ST3GAL3: variants seen among roughly 807,000 people sequenced by gnomAD.
ST3GAL3 encodes the protein ST3 beta-galactoside alpha-2,3-sialyltransferase 3, also known as CMP-N-acetylneuraminate-beta-1,4-galactoside alpha-2,3-sialyltransferase.
A neutral mutation model predicts 50.1 loss-of-function variants in ST3GAL3; 21 were observed. That is an observed-to-expected ratio of 0.42 (90% CI 0.30 to 0.60). ST3GAL3 has a LOEUF of 0.60. Ranked by LOEUF, ST3GAL3 falls within the 20% of genes least tolerant of loss-of-function variation. The probability of loss-of-function intolerance (pLI) is 0.19; values close to 1 mark genes in which losing one functional copy is unlikely to be tolerated. For missense variants in ST3GAL3, 353 were observed against 489.4 expected (o/e 0.72, Z 2.63); for synonymous variants, 183 against 190.0 (o/e 0.96, Z 0.30).
intron 9 of ST3GAL3, chr1:43,912,241 C>T (rs1246848796): frequency 6.6e-6 from 1 of 152,058 alleles, no homozygotes; most frequent in Non-Finnish European, 1.5e-5. Flanking sequence ...TGACTTTGTG[C>T]CAAACATATT....
At chr1:43,843,921 T>C (rs2065824700) in intron 5 of ST3GAL3, among the ~76,000 whole-genome samples, 2 of 152,248 alleles carry the variant, frequency 1.3e-5, no homozygotes, top group African/African-American at 4.8e-5. Flanking sequence ...CTTCAGATGC[T>C]AATCACAAGT....
At chr1:43,832,600 G>A (rs1573870644) in intron 4 of ST3GAL3, among the ~76,000 whole-genome samples, 1 of 152,114 alleles carries the variant, frequency 6.6e-6, no homozygotes, top group African/African-American at 2.4e-5. Context: ...GCAGACCTTG[G>A]AGTAACAGGT....
intron 2 of ST3GAL3, among the ~76,000 whole-genome samples, chr1:43,786,108 G>A (rs2057304341): frequency 6.6e-6 from 1 of 151,990 alleles, no homozygotes; most frequent in Middle Eastern, 3.2e-3. Context: ...GGTTGCATGA[G>A]TCTCCTCCTT....
At chr1:43,798,043 G>C (rs34330931) in intron 3 of ST3GAL3, among the ~76,000 whole-genome samples, 55,687 of 151,976 alleles carry the variant, frequency 0.37, 10,945 homozygotes, top group East Asian at 0.59. Flanking sequence ...ATATATAGGA[G>C]CTGTATGCTG....
rs889219188 is a variant in ST3GAL3 at position 43,830,114 on chromosome 1, C to A, written c.210-8105C>A. The stretch of plus-strand genomic sequence containing the variant: ...CCTCAGCTCAAGCAATCCTCCCAAC[C>A]TCAGCCTCCCCGGCCCAAGCAATCC... On this transcript the variant is annotated intron_variant, in intron 4 of 11. Coordinates refer to ENST00000347631, the MANE Select transcript of ST3GAL3 (RefSeq NM_006279.5). 2.0e-5 allele frequency among the ~76,000 whole-genome samples: 3 copies of A among 149,588 alleles called. No individual in the cohort carries two copies. In the Admixed American group the frequency reaches 2.0e-4, roughly 10 times the overall value.
At chr1:43,879,238 A>G in intron 5 of ST3GAL3, 1 of 455,528 alleles carries the variant, frequency 2.2e-6, no homozygotes. Context: ...GAAGGCCAGT[A>G]TGCTGTAACA....
intron 2 of ST3GAL3, among the ~76,000 whole-genome samples, chr1:43,778,919 TTACAGGCGTGAGC>T (rs781268492): frequency 1.6e-4 from 24 of 151,838 alleles, no homozygotes; most frequent in Non-Finnish European, 2.4e-4. Context: ...AGCGCTGGGA[TTACAGGCGTGAGC>T]CACTGCGCCC....
intron 2 of ST3GAL3, chr1:43,771,909 G>T (rs1368621693): frequency 2.5e-6 from 1 of 398,392 alleles, no homozygotes; most frequent in African/African-American, 2.1e-5. Context: ...AAAGGTGTGT[G>T]CCCCTGGATG....
intron 11 of ST3GAL3, among the ~76,000 whole-genome samples, chr1:43,928,384 A>G (rs1054070473): frequency 1.3e-5 from 2 of 149,556 alleles, no homozygotes; most frequent in Non-Finnish European, 3.0e-5. Context: ...GTGGATCACA[A>G]GGTCAGGAGA....
chr1:43,930,303 C>G lies in ST3GAL3; in HGVS notation c.*82C>G. 1.4e-6 allele frequency: 2 copies of G among 1,382,232 alleles called. No individual in the cohort carries two copies. Among genetic ancestry groups the G allele is most frequent in the African/African-American group, 1.4e-5 (1 of 70,574 alleles). The allele number at this position is 1,382,232 out of a possible 1,614,324, so 85.6% of individuals were successfully genotyped here. On this transcript the variant is annotated 3_prime_UTR_variant, in exon 12 of 12. Transcript: ENST00000347631. ...CCACCTACACAGGAGTCTTCAGACCCAGAGAAGGACGGTGCCAAGGGCCCC... is the reference window on the plus strand; with the variant it reads ...CCACCTACACAGGAGTCTTCAGACCGAGAGAAGGACGGTGCCAAGGGCCCC...
intron 5 of ST3GAL3, among the ~76,000 whole-genome samples, chr1:43,873,896 A>C (rs1570388713): frequency 6.6e-6 from 1 of 152,288 alleles, no homozygotes; most frequent in Non-Finnish European, 1.5e-5. Context: ...AATGGATGAG[A>C]TCACCAAATA....
At position 43,759,819 on chromosome 1, in the gene ST3GAL3, G is replaced by A. The variant is rs143674894; in HGVS notation, c.118+23439G>A. Among the ~76,000 whole-genome samples the A allele has an allele frequency of 5.4e-3, 828 of 152,252 alleles. 5 individuals are homozygous for A. The highest frequency in any genetic ancestry group is 8.9e-3 in the Non-Finnish European group (606 of 68,034). On this transcript the variant is annotated intron_variant, in intron 2 of 11. Transcript: ENST00000347631. Reference sequence around the variant, plus strand: ...AATTTTACTTAAAAATGTTATTGACGAAACATTTAATTTCATGAAATCTCA... The same window carrying A: ...AATTTTACTTAAAAATGTTATTGACAAAACATTTAATTTCATGAAATCTCA...
chr1:43,754,031 T>C (rs1193571756), intron 2 of ST3GAL3, among the ~76,000 whole-genome samples: 1 of 152,228 alleles, frequency 6.6e-6, no homozygotes, highest in African/African-American at 2.4e-5. Flanking sequence ...AATTATGGGC[T>C]AGCTTTATTT....
At chr1:43,767,044 A>G (rs779517288) in intron 2 of ST3GAL3, among the ~76,000 whole-genome samples, 26 of 152,108 alleles carry the variant, frequency 1.7e-4, no homozygotes, top group Non-Finnish European at 2.9e-4. Flanking sequence ...AAGGAGAGAG[A>G]GAAATGTGGT....
At chr1:43,744,134 C>G (rs796559608) in intron 2 of ST3GAL3, among the ~76,000 whole-genome samples, 6 of 152,232 alleles carry the variant, frequency 3.9e-5, no homozygotes, top group African/African-American at 1.4e-4. Context: ...TATTTATCAT[C>G]ATAAAACCAA....
chr1:43,744,783 A>G (rs904941259), intron 2 of ST3GAL3, among the ~76,000 whole-genome samples: 1 of 151,616 alleles, frequency 6.6e-6, no homozygotes, highest in Non-Finnish European at 1.5e-5. Context: ...AGGCGGGATC[A>G]CCTGAGGTCA....
At chr1:43,836,461 G>C (rs1299068120) in intron 4 of ST3GAL3, among the ~76,000 whole-genome samples, 1 of 152,190 alleles carries the variant, frequency 6.6e-6, no homozygotes, top group Non-Finnish European at 1.5e-5. Context: ...TCTGTGTAAG[G>C]CTCTGGGCTA....
At chr1:43,755,916 G>A (rs1687864900) in intron 2 of ST3GAL3, among the ~76,000 whole-genome samples, 1 of 151,880 alleles carries the variant, frequency 6.6e-6, no homozygotes, top group African/African-American at 2.4e-5. Flanking sequence ...GCAACATAGT[G>A]AGACACCCAT....
At chr1:43,824,747 T>C (rs1161353042) in intron 4 of ST3GAL3, 3 of 1,614,042 alleles carry the variant, frequency 1.9e-6, no homozygotes, top group Non-Finnish European at 2.5e-6. Context: ...GAGGACTCTC[T>C]GCACGGTGGT....
Sources: gnomAD v4.1 joint callset for allele counts (sites outside exome capture counted in the v4.1 genomes callset) on GRCh38, gnomAD v4.1.1 for gene constraint, MANE v1.5 for transcripts, NCBI Gene and HGNC (gene_info 2026-07-23, HGNC 2026-07-21) for gene names.